Variants in IL1RAPL1 observed in about 807,000 individuals in gnomAD.
IL1RAPL1 encodes the protein interleukin-1 receptor accessory protein-like 1.
A neutral mutation model predicts 48.4 loss-of-function variants in IL1RAPL1; 3 were observed. The ratio of observed to expected loss-of-function variants is 0.06; its 90% CI spans 0.03 to 0.16. The LOEUF is 0.16. Among genes scored for constraint, IL1RAPL1 ranks in the 10% least tolerant of loss-of-function variants. The pLI is 1.00. For missense variants in IL1RAPL1, 349 were observed against 530.6 expected (o/e 0.66, Z 3.36); for synonymous variants, 185 against 187.7 (o/e 0.99, Z 0.12).
At chrX:29,595,064 C>T (rs1382743468) in intron 5 of IL1RAPL1, among the ~76,000 whole-genome samples, 1 of 112,393 alleles carries the variant, frequency 8.9e-6, no homozygotes, top group East Asian at 2.8e-4. Flanking sequence ...GTCATTATTT[C>T]ATTGTTCTTT....
intron 5 of IL1RAPL1, among the ~76,000 whole-genome samples, chrX:29,457,511 A>T (rs753841501): frequency 9.0e-6 from 1 of 111,551 alleles, no homozygotes; most frequent in African/African-American, 3.3e-5. Flanking sequence ...GCTACAAAGG[A>T]CACGATTTTG....
chrX:29,781,551 C>T (rs903603898), intron 6 of IL1RAPL1, among the ~76,000 whole-genome samples: 1 of 111,508 alleles, frequency 9.0e-6, no homozygotes, highest in Admixed American at 9.5e-5. Flanking sequence ...TTATACTCTT[C>T]GTCAAATGCA....
At chrX:28,768,725 CTCTG>C (rs1174710473) in intron 1 of IL1RAPL1, among the ~76,000 whole-genome samples, 93 of 72,850 alleles carry the variant, frequency 1.3e-3, no homozygotes, top group African/African-American at 1.7e-3. Flanking sequence ...CTCTCTCTCT[CTCTG>C]TCTCTCTCTC....
intron 1 of IL1RAPL1, among the ~76,000 whole-genome samples, chrX:28,680,709 A>G (rs540343262): frequency 8.9e-6 from 1 of 111,912 alleles, no homozygotes; most frequent in African/African-American, 3.2e-5. Flanking sequence ...TTTTGCATCT[A>G]TTGAGATGAT....
At chrX:29,404,357 T>C (rs1251777792) in intron 5 of IL1RAPL1, among the ~76,000 whole-genome samples, 1 of 112,173 alleles carries the variant, frequency 8.9e-6, no homozygotes, top group Non-Finnish European at 1.9e-5. Flanking sequence ...CTTAGCAATA[T>C]GCATTTCCTT....
intron 6 of IL1RAPL1, among the ~76,000 whole-genome samples, chrX:29,882,016 A>G (rs1932042523): frequency 9.0e-6 from 1 of 111,461 alleles, no homozygotes; most frequent in Admixed American, 9.6e-5. Flanking sequence ...CTGATATATC[A>G]AATGTATGTG....
At chrX:28,700,528 C>A (rs748930328) in intron 1 of IL1RAPL1, among the ~76,000 whole-genome samples, 8 of 108,431 alleles carry the variant, frequency 7.4e-5, no homozygotes, top group Non-Finnish European at 1.3e-4. Context: ...TCTGGAACCT[C>A]TACTCTTTTT....
chrX:29,486,225 G>A (rs770465406), intron 5 of IL1RAPL1, among the ~76,000 whole-genome samples: 3 of 110,693 alleles, frequency 2.7e-5, no homozygotes, highest in Non-Finnish European at 5.7e-5. Flanking sequence ...AATATAGTTG[G>A]TCTCAACTAT....
At chrX:29,803,294 T>C (rs1212761032) in intron 6 of IL1RAPL1, among the ~76,000 whole-genome samples, 1 of 27,124 alleles carries the variant, frequency 3.7e-5, no homozygotes, top group African/African-American at 1.6e-4. Flanking sequence ...CATGTATATA[T>C]GTATACATAT....
At chrX:29,890,851 G>A (rs1442796935) in intron 6 of IL1RAPL1, among the ~76,000 whole-genome samples, 1 of 111,908 alleles carries the variant, frequency 8.9e-6, no homozygotes, top group Non-Finnish European at 1.9e-5. Flanking sequence ...TCCAGCTGAG[G>A]TCAGGCATTG....
chrX:29,402,796 T>C (rs868844875), intron 5 of IL1RAPL1, among the ~76,000 whole-genome samples: 1 of 108,497 alleles, frequency 9.2e-6, no homozygotes, highest in East Asian at 2.8e-4. Flanking sequence ...TTTTTTTTTA[T>C]TTTTGATGAC....
intron 6 of IL1RAPL1, among the ~76,000 whole-genome samples, chrX:29,760,322 C>T (rs937833032): frequency 9.0e-6 from 1 of 111,037 alleles, no homozygotes; most frequent in African/African-American, 3.3e-5. Context: ...TGGACTCTGT[C>T]GATGGCAATA....
intron 2 of IL1RAPL1, among the ~76,000 whole-genome samples, chrX:29,075,889 A>C (rs1927660078): frequency 8.9e-6 from 1 of 111,959 alleles, no homozygotes; most frequent in Non-Finnish European, 1.9e-5. Context: ...ACCTACAATA[A>C]AAAGGTCGTC....
At chrX:29,448,230 G>A (rs1934634580) in intron 5 of IL1RAPL1, among the ~76,000 whole-genome samples, 1 of 111,660 alleles carries the variant, frequency 9.0e-6, no homozygotes, top group Non-Finnish European at 1.9e-5. Flanking sequence ...GCGAAAGCCT[G>A]GACTGGTTGA....
At chrX:29,061,738 C>T (rs1275121760) in intron 2 of IL1RAPL1, among the ~76,000 whole-genome samples, 2 of 112,578 alleles carry the variant, frequency 1.8e-5, no homozygotes, top group African/African-American at 3.2e-5. Context: ...GGATTATAGG[C>T]GTGAGCCACC....
chrX:29,823,677 A>G (rs1343534142), intron 6 of IL1RAPL1, among the ~76,000 whole-genome samples: 1 of 112,337 alleles, frequency 8.9e-6, no homozygotes, highest in East Asian at 2.8e-4. Context: ...GCTTTCTGAA[A>G]GACATATTTC....
chrX:29,666,091 T>G (rs1488568357), intron 5 of IL1RAPL1, among the ~76,000 whole-genome samples: 1 of 111,490 alleles, frequency 9.0e-6, no homozygotes, highest in Non-Finnish European at 1.9e-5. Flanking sequence ...AGTCCAGTTT[T>G]TTTTTAAGTT....
chrX:29,805,622 G>T (rs1930238673), intron 6 of IL1RAPL1, among the ~76,000 whole-genome samples: 1 of 111,606 alleles, frequency 9.0e-6, no homozygotes, highest in South Asian at 3.7e-4. Context: ...TTTCCGGAAA[G>T]TTCAGAGTAG....
At chrX:29,916,040 G>T (rs370526191) in intron 6 of IL1RAPL1, among the ~76,000 whole-genome samples, 2 of 100,558 alleles carry the variant, frequency 2.0e-5, no homozygotes, top group Non-Finnish European at 2.0e-5. Flanking sequence ...GAGAATGATG[G>T]TTTCCAGTTT....
Sources: gnomAD v4.1 joint callset for allele counts (sites outside exome capture counted in the v4.1 genomes callset) on GRCh38, gnomAD v4.1.1 for gene constraint, MANE v1.5 for transcripts, NCBI Gene and HGNC (gene_info 2026-07-23, HGNC 2026-07-21) for gene names.